SLC26A8: variants seen among roughly 807,000 people sequenced by gnomAD.
SLC26A8 encodes the protein solute carrier family 26 member 8.
In SLC26A8, 70 loss-of-function variants were observed where a neutral mutation model predicts 105.0. The ratio of observed to expected loss-of-function variants is 0.67; its 90% confidence interval spans 0.55 to 0.81. The LOEUF is 0.81. SLC26A8 is among the 40% of genes least tolerant of loss of function. The pLI, the probability that SLC26A8 is intolerant of heterozygous loss-of-function variation, is 0.00. For synonymous variants in SLC26A8, 415 were observed against 438.3 expected, an observed-to-expected ratio of 0.95 and a Z score of 0.66; for missense variants, 998 against 1,181.8, an observed-to-expected ratio of 0.84 and a Z score of 2.28.
At chr6:35,999,969 G>T in intron 4 of SLC26A8, 23 bp downstream of exon 4, 1 of 1,456,104 alleles carries the variant, frequency 6.9e-7, no homozygotes, top group Non-Finnish European at 9.6e-7. Context: ...TCCACCGCAT[G>T]TGTATTTCAG....
At position 35,948,765 on chromosome 6, in the gene SLC26A8, T is replaced by A. The variant is rs375886205; in HGVS notation, c.2472+2398A>T. ...ATAGATGGTTGGATGGTGGTATGAT[T>A]TGCATGAGTGGCTTCCAAAATCCAT... On this transcript the variant is annotated intron_variant, in intron 19 of 19. Transcript: ENST00000490799. 2.1e-4 allele frequency among the ~76,000 whole-genome samples: 32 copies of A among 152,286 alleles called. No homozygotes were observed. The East Asian group carries it at 4.6e-3, about 22-fold the overall frequency.
rs181192915 is a variant in SLC26A8, at chr6:35,988,579, G to C, written c.942+3080C>G. On this transcript the variant is annotated intron_variant, in intron 7 of 19. Coordinates refer to ENST00000490799, the MANE Select transcript of SLC26A8 (RefSeq NM_052961.4). ...GAATCTGGGAGGCGGAGGTTGCAGT[G>C]GGCCGAGATCATGCCACTGCACTCC... is the stretch of plus-strand genomic sequence containing the variant. Among the ~76,000 whole-genome samples the C allele has an allele frequency of 4.6e-3, 704 of 152,058 alleles. 18 individuals are homozygous for C. The highest frequency in any genetic ancestry group is 0.04 in the Admixed American group (604 of 15,264).
At chr6:35,999,934 G>T in intron 4 of SLC26A8, 58 bp downstream of exon 4, 1 of 1,181,670 alleles carries the variant, frequency 8.5e-7, no homozygotes, top group Non-Finnish European at 1.3e-6. Context: ...TTAGCAATAA[G>T]TATATGATCA....
At position 35,975,506 on chromosome 6, in the gene SLC26A8, A is replaced by C; in HGVS notation, c.1174-18T>G. The stretch of plus-strand genomic sequence containing the variant: ...ATTAAATCCTGTAAAGAAACAGCAG[A>C]TGCTTTAGGCCCCCGTTTTTGTTGA... On this transcript the variant is annotated intron_variant, in intron 9 of 19. Transcript: ENST00000490799. 6.6e-7 allele frequency: 1 copy of C among 1,513,078 alleles called. No individual in the cohort carries two copies. Among genetic ancestry groups the C allele is most frequent in the Non-Finnish European group, 9.1e-7 (1 of 1,093,514 alleles). 93.7% of individuals were successfully genotyped at this position (1,513,078 alleles called of 1,614,324 possible). A position where few individuals can be genotyped will look rare whatever the true frequency, so the allele number is the denominator to read the frequency against.
chr6:35,975,294 T>C (rs1468689790), intron 10 of SLC26A8, 81 bp downstream of exon 10: 1 of 705,076 alleles, frequency 1.4e-6, no homozygotes, highest in African/African-American at 1.8e-5. Context: ...ATTAAACCCA[T>C]TTAATTCCCT....
intron 5 of SLC26A8, among the ~76,000 whole-genome samples, chr6:35,995,550 C>A (rs1408342263): frequency 2.0e-5 from 3 of 152,166 alleles, no homozygotes; most frequent in Admixed American, 1.3e-4. Flanking sequence ...AAAACTGAAT[C>A]CCAGTTTGGT....
intron 8 of SLC26A8, among the ~76,000 whole-genome samples, chr6:35,979,549 T>A (rs1469600438): frequency 6.6e-6 from 1 of 152,186 alleles, no homozygotes; most frequent in Non-Finnish European, 1.5e-5. Flanking sequence ...AGTAGAAGCA[T>A]AACTGAATGC....
chr6:35,958,732 G>A (rs1772193660), intron 16 of SLC26A8, among the ~76,000 whole-genome samples: 1 of 152,112 alleles, frequency 6.6e-6, no homozygotes, highest in East Asian at 1.9e-4. Flanking sequence ...TGTGTGTGTT[G>A]CGGGGGAGGA....
chr6:36,011,852 G>A (rs1761866324), intron 3 of SLC26A8, among the ~76,000 whole-genome samples: 1 of 152,134 alleles, frequency 6.6e-6, no homozygotes, highest in African/African-American at 2.4e-5. Context: ...CAAGCAATCT[G>A]TCTGCCTTGG....
intron 2 of SLC26A8, among the ~76,000 whole-genome samples, chr6:36,014,024 G>T (rs1357665749): frequency 6.6e-6 from 1 of 152,202 alleles, no homozygotes; most frequent in Non-Finnish European, 1.5e-5. Flanking sequence ...ATTGGCAGCT[G>T]TGAAATGCTG....
chr6:35,999,079 A>G (rs946177263), intron 4 of SLC26A8, among the ~76,000 whole-genome samples: 3 of 152,032 alleles, frequency 2.0e-5, no homozygotes, highest in African/African-American at 7.3e-5. Context: ...TATTTTTAGT[A>G]GAGGTGGGGT....
intron 12 of SLC26A8, 80 bp downstream of exon 12, chr6:35,962,446 G>A (rs1772344186): frequency 1.7e-6 from 2 of 1,149,060 alleles, no homozygotes; most frequent in East Asian, 4.7e-5. Context: ...GTCCATGGCA[G>A]ATCTCTTTTG....
Position 35,955,347 on chromosome 6 carries a change from C to G in SLC26A8, c.2037G>C (p.Glu679Asp). The G allele has an allele frequency of 6.2e-7, 1 of 1,614,202 alleles. No individual in the cohort carries two copies. Among genetic ancestry groups the G allele is most frequent in the Non-Finnish European group, 8.5e-7 (1 of 1,180,030 alleles). Residue 679 changes from glutamate to aspartate, a missense_variant, in exon 17 of 20, where the codon GAG becomes GAC. Glu to Asp is a conservative substitution (Grantham distance 45, BLOSUM62 2). Transcript: ENST00000490799. ...TATTAGGAAGCCAAACTTCCTCCAC[C>G]TCCTCATACTGTTGCCCTTGATTTT... ...SQKNQGQQYE[E>D]VEEVWLPNNS...
At chr6:35,955,646 A>G in intron 16 of SLC26A8, 126 bp from the exon 17 acceptor site, 1 of 1,224,800 alleles carries the variant, frequency 8.2e-7, no homozygotes, top group Non-Finnish European at 1.1e-6. Flanking sequence ...TCCCGAGAGT[A>G]GGTACTGTGC....
Position 35,964,408 on chromosome 6 carries a change from A to G in SLC26A8, c.1366-1787T>C, listed in dbSNP as rs551655055. Among the ~76,000 whole-genome samples, 96 of 152,228 alleles carry G rather than the reference A, an allele frequency of 6.3e-4. 1 individual carries two copies. The highest frequency in any genetic ancestry group is 2.2e-3 in the African/African-American group (93 of 41,552). ...ATGTCTGTAATCCCAGAACTTTGGG[A>G]GGCTGAGGCAGGCGAATCTCTTGAA... On this transcript the variant is annotated intron_variant, in intron 11 of 19. Transcript: ENST00000490799.
At chr6:36,011,151 C>T (rs1761845986) in intron 3 of SLC26A8, among the ~76,000 whole-genome samples, 1 of 152,114 alleles carries the variant, frequency 6.6e-6, no homozygotes, top group African/African-American at 2.4e-5. Flanking sequence ...ATTTATAAAA[C>T]CCATTCTATT....
chr6:35,949,332 T>G (rs1771778436), intron 19 of SLC26A8, among the ~76,000 whole-genome samples: 1 of 152,068 alleles, frequency 6.6e-6, no homozygotes, highest in South Asian at 2.1e-4. Context: ...CCTGGAAGGC[T>G]GAGGCAGGAG....
At chr6:35,944,421 A>T (rs976218200) in intron 19 of SLC26A8, 81 bp from the exon 20 acceptor site, 87 of 968,814 alleles carry the variant, frequency 9.0e-5, no homozygotes, top group Non-Finnish European at 1.3e-4. Flanking sequence ...CTGTAATCCC[A>T]GCACTTTGAG....
rs1376531844 is a variant in SLC26A8, at chr6:35,981,304, A to C, written c.1025+817T>G. On this transcript the variant is annotated intron_variant, in intron 8 of 19. Coordinates refer to ENST00000490799, the MANE Select transcript of SLC26A8 (RefSeq NM_052961.4). This position sits in a 1 kb window ranked among gnomAD's most constrained non-coding sequence, Gnocchi z 4.0. ...AGAACTCCATATGCCAGGCTATTTGAAGATCACTTTCTACCCAGAGTAAGA... is the reference window on the plus strand; with the variant it reads ...AGAACTCCATATGCCAGGCTATTTGCAGATCACTTTCTACCCAGAGTAAGA... Among the ~76,000 whole-genome samples the C allele has an allele frequency of 1.3e-5, 2 of 152,210 alleles. No homozygotes were observed. Among genetic ancestry groups the C allele is most frequent in the Admixed American group, 6.5e-5 (1 of 15,276 alleles).
Sources: gnomAD v4.1 joint callset for allele counts (sites outside exome capture counted in the v4.1 genomes callset) on GRCh38, gnomAD v4.1.1 for gene constraint, Gnocchi (gnomAD v3.1) non-coding constraint, MANE v1.5 for transcripts, NCBI Gene and HGNC (gene_info 2026-07-23, HGNC 2026-07-21) for gene names.